The following ORC3 variants were observed in gnomAD, a reference collection of about 807,000 sequenced individuals.
ORC3 encodes homolog of latheo, Drosophila.
ORC3 carries 78 observed loss-of-function variants against 100.7 expected under a neutral mutation model. That is an observed-to-expected ratio of 0.77 (90% CI 0.65 to 0.94). The LOEUF (loss-of-function observed/expected upper bound fraction) is 0.94, where lower values mean the gene tolerates loss of function less well. ORC3 is among the 40% of genes least tolerant of loss of function. The pLI is 0.00. For synonymous variants in ORC3, 295 were observed against 289.3 expected (o/e 1.02, Z -0.20); for missense variants, 789 against 823.9 (o/e 0.96, Z 0.52).
intron 11 of ORC3, among the ~76,000 whole-genome samples, chr6:87,625,863 A>G (rs531763394): frequency 6.6e-6 from 1 of 152,150 alleles, no homozygotes; most frequent in South Asian, 2.1e-4. Flanking sequence ...TGATTTTTTT[A>G]TAAGGTTAAG....
At chr6:87,591,359 A>T (rs1047210528) in intron 1 of ORC3, among the ~76,000 whole-genome samples, 1 of 149,544 alleles carries the variant, frequency 6.7e-6, no homozygotes, top group Non-Finnish European at 1.5e-5. Flanking sequence ...TATGTCATGG[A>T]TCTGATTTTT....
intron 13 of ORC3, among the ~76,000 whole-genome samples, chr6:87,639,527 C>A (rs143516986): frequency 1.3e-5 from 2 of 152,162 alleles, no homozygotes; most frequent in Non-Finnish European, 2.9e-5. Context: ...GAGCCTGCAG[C>A]CTTCTGCAGC....
chr6:87,653,808 T>C (rs1477930825), intron 14 of ORC3, among the ~76,000 whole-genome samples: 1 of 152,206 alleles, frequency 6.6e-6, no homozygotes, highest in Non-Finnish European at 1.5e-5. Context: ...CCTGGCACTC[T>C]TCACTGTTGG....
chr6:87,664,697 A>G, intron 17 of ORC3, 46 bp from the exon 18 acceptor site: 1 of 1,450,524 alleles, frequency 6.9e-7, no homozygotes, highest in Non-Finnish European at 9.7e-7. Flanking sequence ...TTTTATTCCT[A>G]ATAATTTATA....
At chr6:87,658,654 T>C (rs1769917416) in intron 16 of ORC3, among the ~76,000 whole-genome samples, 1 of 152,144 alleles carries the variant, frequency 6.6e-6, no homozygotes, top group Admixed American at 6.6e-5. Context: ...TGTATTACAC[T>C]TTATCTTTGC....
chr6:87,614,114 G>C (rs759677907), intron 8 of ORC3, among the ~76,000 whole-genome samples: 2 of 152,174 alleles, frequency 1.3e-5, no homozygotes, highest in Non-Finnish European at 2.9e-5. Flanking sequence ...GGACACCCAG[G>C]CTTTTCCATA....
intron 13 of ORC3, chr6:87,651,097 A>G: frequency 2.2e-6 from 1 of 449,570 alleles, no homozygotes; most frequent in East Asian, 7.0e-5. Context: ...GTGACACATT[A>G]AGAGTTATGA....
chr6:87,666,331 C>T (rs924701287), intron 19 of ORC3, among the ~76,000 whole-genome samples: 6 of 151,598 alleles, frequency 4.0e-5, no homozygotes, highest in East Asian at 1.9e-4. Flanking sequence ...GGGGTTTCAC[C>T]ATGTTGGCCA....
At chr6:87,676,519 C>T in the ORC3 span, among the ~76,000 whole-genome samples, 124 of 135,306 alleles carry the variant, frequency 9.2e-4, no homozygotes, top group Non-Finnish European at 1.6e-3. Flanking sequence ...CACTTTGGGA[C>T]GCCGAGGCGG....
intron 1 of ORC3, among the ~76,000 whole-genome samples, chr6:87,594,084 A>T (rs1378090259): frequency 6.6e-6 from 1 of 152,150 alleles, no homozygotes; most frequent in Non-Finnish European, 1.5e-5. Flanking sequence ...TTCTTTGTCT[A>T]CCTCTTAGAT....
intron 7 of ORC3, 32 bp from the exon 8 acceptor site, chr6:87,612,057 A>C (rs780182298): frequency 3.8e-6 from 6 of 1,594,494 alleles, no homozygotes; most frequent in Non-Finnish European, 5.1e-6. Flanking sequence ...TGCTAAATAA[A>C]TTTCACTTTT....
At chr6:87,603,653 A>G (rs1778132867) in intron 4 of ORC3, 125 bp downstream of exon 4, 2 of 503,512 alleles carry the variant, frequency 4.0e-6, no homozygotes, top group African/African-American at 1.9e-5. Flanking sequence ...TTATTTGTAC[A>G]ATTAAACCAA....
At chr6:87,624,561 T>C (rs1296625034) in intron 11 of ORC3, among the ~76,000 whole-genome samples, 1 of 152,240 alleles carries the variant, frequency 6.6e-6, no homozygotes, top group Non-Finnish European at 1.5e-5. Flanking sequence ...ATAATGCTTC[T>C]CTTTTTATGG....
chr6:87,663,291 T>C lies in ORC3; in HGVS notation c.1833+147T>C, dbSNP rs1770347817. 1.6e-5 allele frequency: 9 copies of C among 578,508 alleles called. No homozygotes were observed. In the South Asian group the frequency reaches 1.8e-4, roughly 12 times the overall value. The allele number at this position is 578,508 out of a possible 1,614,324, so 35.8% of individuals were successfully genotyped here. The stretch of plus-strand genomic sequence containing the variant: ...GTCTCATATATTTTTAAAAATTCTT[T>C]AGACTGTAGAAAAAAATTTCTAACC... On this transcript the variant is annotated intron_variant, in intron 17 of 19. Transcript: ENST00000392844.
chr6:87,621,368 G>A lies in ORC3; in HGVS notation c.1002G>A (p.Glu334=), dbSNP rs751401951. ...ATGTCTTTCAGCTTTCTCTATTAGA[G>A]CATTTCTATTCCCAGCCCTTAAGTG... ...FIKGLQLSLL[E]HFYSQPLSVL... is the part of the protein sequence containing the mutation. Residue 334 remains glutamate (E), a synonymous_variant, in exon 10 of 20, where the codon GAG becomes GAA. Coordinates refer to ENST00000392844, the MANE Select transcript of ORC3 (RefSeq NM_012381.4). 3.2e-6 allele frequency: 5 copies of A among 1,549,852 alleles called. No homozygotes were observed. The South Asian group carries it at 6.2e-5, about 19-fold the overall frequency.
intron 14 of ORC3, among the ~76,000 whole-genome samples, chr6:87,655,667 T>TTA (rs890317231): frequency 2.1e-5 from 3 of 142,680 alleles, no homozygotes; most frequent in Non-Finnish European, 4.6e-5. Context: ...ATTATTATTA[T>TTA]TTTTTTTTTT....
intron 16 of ORC3, among the ~76,000 whole-genome samples, chr6:87,661,894 G>A (rs1166375983): frequency 1.3e-5 from 2 of 152,106 alleles, no homozygotes; most frequent in African/African-American, 4.8e-5. Context: ...TAGTATCACT[G>A]TCATGGCACA....
chr6:87,615,313 A>G (rs1779082876), intron 8 of ORC3, among the ~76,000 whole-genome samples: 1 of 152,156 alleles, frequency 6.6e-6, no homozygotes, highest in African/African-American at 2.4e-5. Flanking sequence ...GGAATTCAAG[A>G]TGGGATTTGG....
In ORC3 at chr6:87,624,475, C is replaced by A. The variant is rs552070433; in HGVS notation, c.1185+2462C>A. The stretch of plus-strand genomic sequence containing the variant: ...TCGGCAACAGAGCAAGACTCTGTTT[C>A]AAAGAACAAAAACAAAACAAAACAA... On this transcript the variant is annotated intron_variant, in intron 11 of 19. Transcript: ENST00000392844. Among the ~76,000 whole-genome samples the A allele has an allele frequency of 6.5e-4, 99 of 152,108 alleles. 1 individual carries two copies. Among genetic ancestry groups the A allele is most frequent in the African/African-American group, 2.4e-3 (98 of 41,506 alleles).
Sources: gnomAD v4.1 joint callset for allele counts (sites outside exome capture counted in the v4.1 genomes callset) on GRCh38, gnomAD v4.1.1 for gene constraint, MANE v1.5 for transcripts, NCBI Gene and HGNC (gene_info 2026-07-23, HGNC 2026-07-21) for gene names.